CA12: variants seen among roughly 807,000 people sequenced by gnomAD.
The protein encoded by CA12 is carbonic anhydrase 12.
A neutral mutation model predicts 46.8 loss-of-function variants in CA12; 36 were observed. The observed-to-expected ratio is 0.77, with a 90% CI of 0.59 to 1.02. CA12 has a LOEUF of 1.02. CA12 is among the 50% of genes least tolerant of loss of function. The pLI, the probability that CA12 is intolerant of heterozygous loss-of-function variation, is 0.00. For synonymous variants in CA12, 202 were observed against 187.0 expected (o/e 1.08, Z -0.65); for missense variants, 436 against 451.4 (o/e 0.97, Z 0.31).
chr15:63,367,219 C>A (rs1205250332), intron 2 of CA12, among the ~76,000 whole-genome samples: 2 of 152,230 alleles, frequency 1.3e-5, no homozygotes, highest in African/African-American at 4.8e-5. Flanking sequence ...CCGCACCCAG[C>A]CAGCATGGCT....
Position 63,381,757 on chromosome 15 carries a change from CG to C in CA12, c.-38del. On this transcript the variant is annotated 5_prime_UTR_variant, in exon 1 of 11. Coordinates refer to ENST00000178638, the MANE Select transcript of CA12 (RefSeq NM_001218.5). ...CCTGCGGGGCGGGCGCGGGCTGTGC[CG>C]GGGGCTCCCGGTGGCCGCTCGCTCT... 2 of 1,434,286 alleles carry C rather than the reference CG, an allele frequency of 1.4e-6. No homozygotes were observed. The highest frequency in any genetic ancestry group is 1.9e-6 in the Non-Finnish European group (2 of 1,074,470). The allele number at this position is 1,434,286 out of a possible 1,614,324, so 88.8% of individuals were successfully genotyped here.
At position 63,345,639 on chromosome 15, in the gene CA12, A is replaced by C; in HGVS notation, c.287-20T>G. ...GCTTCACTGCGGGGAGTGGAGGAGC[A>C]GCCTTCAGAGCCCCGGCCAGCTGTG... On this transcript the variant is annotated intron_variant, in intron 3 of 10. Transcript: ENST00000178638. The surrounding 1 kb of genome is among the most constrained non-coding windows in gnomAD (Gnocchi z 4.3). 1 of 1,607,768 alleles carries C rather than the reference A, an allele frequency of 6.2e-7. No homozygotes were observed. The highest frequency in any genetic ancestry group is 8.5e-7 in the Non-Finnish European group (1 of 1,179,186).
Position 63,322,407 on chromosome 15 carries a change from T to C in CA12, c.*3878A>G, listed in dbSNP as rs1484299565. 6.6e-6 allele frequency: 1 copy of C among 152,160 alleles called. No homozygotes were observed. The highest frequency in any genetic ancestry group is 2.4e-5 in the African/African-American group (1 of 41,420). The allele number at this position is 152,160 out of a possible 1,614,324, so 9.4% of individuals were successfully genotyped here. A position where few individuals can be genotyped will look rare whatever the true frequency, so the allele number is the denominator to read the frequency against. On this transcript the variant is annotated 3_prime_UTR_variant, in exon 11 of 11. Coordinates refer to ENST00000178638, the MANE Select transcript of CA12 (RefSeq NM_001218.5). The surrounding 1 kb of genome is among the most constrained non-coding windows in gnomAD (Gnocchi z 4.1). ...TTTAAATTAATGTCACTGGTTTTTTTTTTTTTACCTTTTTCTAGTGTGGCT... is the reference window on the plus strand; with the variant it reads ...TTTAAATTAATGTCACTGGTTTTTTCTTTTTTACCTTTTTCTAGTGTGGCT...
chr15:63,371,980 T>C (rs2039514323), intron 2 of CA12, among the ~76,000 whole-genome samples: 1 of 152,058 alleles, frequency 6.6e-6, no homozygotes, highest in South Asian at 2.1e-4. Flanking sequence ...GAATATGAAA[T>C]ATATACCGAA....
chr15:63,342,129 A>G (rs764465172), intron 4 of CA12, 32 bp from the exon 5 acceptor site: 1 of 1,393,838 alleles, frequency 7.2e-7, no homozygotes, highest in Admixed American at 1.7e-5. Context: ...CCATTAGGAG[A>G]TAAGCGACTC....
rs901270 is a variant in CA12, at chr15:63,365,399, G to A, written c.106+10259C>T. The stretch of plus-strand genomic sequence containing the variant: ...CACCAATGGACTGGGAAAGAGCACC[G>A]GGAGGGAGTTAAGAGGCCCAAGTTC... On this transcript the variant is annotated intron_variant, in intron 2 of 10. Transcript: ENST00000178638. Among the ~76,000 whole-genome samples the A allele has an allele frequency of 2.3e-3, 347 of 152,330 alleles. 1 individual carries two copies. The highest frequency in any genetic ancestry group is 7.4e-3 in the African/African-American group (309 of 41,572).
In CA12 at chr15:63,372,076, A is replaced by C. The variant is rs1218677401; in HGVS notation, c.106+3582T>G. On this transcript the variant is annotated intron_variant, in intron 2 of 10. Transcript: ENST00000178638. The surrounding 1 kb of genome is among the most constrained non-coding windows in gnomAD (Gnocchi z 4.5). ...CACCAAGGACCTGAACGTGCCCACA[A>C]CCCTTCCTGCCTCCTTCCGGTCATC... 6.6e-6 allele frequency among the ~76,000 whole-genome samples: 1 copy of C among 151,882 alleles called. No individual in the cohort carries two copies. The highest frequency in any genetic ancestry group is 1.5e-5 in the Non-Finnish European group (1 of 67,942).
chr15:63,341,982 AC>A lies in CA12; in HGVS notation c.525+19del. 6.4e-7 allele frequency: 1 copy of A among 1,564,986 alleles called. No homozygotes were observed. Among genetic ancestry groups the A allele is most frequent in the East Asian group, 2.2e-5 (1 of 44,660 alleles). On this transcript the variant is annotated intron_variant, in intron 5 of 10. Coordinates refer to ENST00000178638, the MANE Select transcript of CA12 (RefSeq NM_001218.5). The surrounding 1 kb of genome is among the most constrained non-coding windows in gnomAD (Gnocchi z 5.2). ...TCCCTGCTTCAAATTTCACCTAAGAACCTTTTAAATATCTCTTACCTCAATG... is the reference window on the plus strand; with the variant it reads ...TCCCTGCTTCAAATTTCACCTAAGAACTTTTAAATATCTCTTACCTCAATG...
chr15:63,365,145 A>G (rs1595790013), intron 2 of CA12, among the ~76,000 whole-genome samples: 1 of 152,256 alleles, frequency 6.6e-6, no homozygotes, highest in Non-Finnish European at 1.5e-5. Flanking sequence ...TCCCATGAGC[A>G]TGTCACAACG....
At chr15:63,333,245 A>G (rs73447444) in intron 8 of CA12, among the ~76,000 whole-genome samples, 2,578 of 152,328 alleles carry the variant, frequency 0.017, 85 homozygotes, top group African/African-American at 0.059. Context: ...GATGATGTGG[A>G]AGGATCGGCT....
chr15:63,332,221 C>T (rs1187534355), intron 8 of CA12, among the ~76,000 whole-genome samples: 10 of 152,176 alleles, frequency 6.6e-5, no homozygotes, highest in Admixed American at 6.5e-4. Flanking sequence ...TGATGCTTTG[C>T]CAAGACAAGG....
At chr15:63,332,304 TATGCAACC>T (rs2038947003) in intron 8 of CA12, among the ~76,000 whole-genome samples, 1 of 152,222 alleles carries the variant, frequency 6.6e-6, no homozygotes, top group African/African-American at 2.4e-5. Flanking sequence ...TTATGAACGC[TATGCAACC>T]CAAAACAAGA....
At chr15:63,335,509 G>C (rs1229635595) in intron 8 of CA12, among the ~76,000 whole-genome samples, 2 of 151,244 alleles carry the variant, frequency 1.3e-5, no homozygotes, top group African/African-American at 4.9e-5. Flanking sequence ...TGTCACCCAA[G>C]CTGGAGTGCA....
intron 2 of CA12, among the ~76,000 whole-genome samples, chr15:63,368,168 T>C (rs2039458807): frequency 6.6e-6 from 1 of 152,250 alleles, no homozygotes; most frequent in South Asian, 2.1e-4. Context: ...TGCTTCTCAA[T>C]GCAACTGATA....
intron 2 of CA12, among the ~76,000 whole-genome samples, chr15:63,369,268 C>T (rs1389605060): frequency 6.6e-6 from 1 of 152,186 alleles, no homozygotes; most frequent in East Asian, 1.9e-4. Context: ...GAAGCAGAAC[C>T]CTTCCTAACA....
At chr15:63,326,501 A>G (rs1219123118) in intron 10 of CA12, 144 bp from the exon 11 acceptor site, 1 of 706,304 alleles carries the variant, frequency 1.4e-6, no homozygotes. Context: ...TGGTCTTGGG[A>G]GGGAGTGTCA....
intron 1 of CA12, among the ~76,000 whole-genome samples, chr15:63,377,489 A>G (rs920232992): frequency 6.6e-6 from 1 of 152,068 alleles, no homozygotes; most frequent in Admixed American, 6.5e-5. Context: ...TTTTTTTTAA[A>G]AAAAAGCCGG....
At position 63,334,772 on chromosome 15, in the gene CA12, A is replaced by G. The variant is rs145837507; in HGVS notation, c.874+4047T>C. Among the ~76,000 whole-genome samples, 31 of 152,292 alleles carry G rather than the reference A, an allele frequency of 2.0e-4. No individual in the cohort carries two copies. The East Asian group carries it at 6.0e-3, about 29-fold the overall frequency. ...CCTGATAAAGGATTTGTACACTCCT[A>G]AGGGTGCACAGTTCTCTCTCACGCT... On this transcript the variant is annotated intron_variant, in intron 8 of 10. Coordinates refer to ENST00000178638, the MANE Select transcript of CA12 (RefSeq NM_001218.5).
In CA12 at chr15:63,341,202, A is replaced by G. The variant is rs2039074645; in HGVS notation, c.526-419T>C. On this transcript the variant is annotated intron_variant, in intron 5 of 10. Transcript: ENST00000178638. This position sits in a 1 kb window ranked among gnomAD's most constrained non-coding sequence, Gnocchi z 5.2. ...GGAAAAAAAAACATGCAAGCCAATC[A>G]GAAGACATTCCTCTATCTTGGGATA... 6.6e-6 allele frequency among the ~76,000 whole-genome samples: 1 copy of G among 152,216 alleles called. No individual in the cohort carries two copies. The highest frequency in any genetic ancestry group is 6.5e-5 in the Admixed American group (1 of 15,286).
Sources: allele counts gnomAD v4.1 joint callset (sites outside exome capture counted in the v4.1 genomes callset), GRCh38; gene constraint gnomAD v4.1.1; non-coding constraint Gnocchi (gnomAD v3.1); transcripts MANE v1.5; gene names NCBI Gene and HGNC (gene_info 2026-07-23, HGNC 2026-07-21).